The following CATSPERT variants were observed in gnomAD, a reference collection of about 807,000 sequenced individuals.
CATSPERT encodes the protein cation channel sperm-associated targeting subunit tau.
chr2:201,502,355 C>G, the CATSPERT span, among the ~76,000 whole-genome samples: 1 of 151,996 alleles, frequency 6.6e-6, no homozygotes, highest in East Asian at 1.9e-4. Flanking sequence ...GGGAGGATCA[C>G]GAGGTCAGGA....
the CATSPERT span, chr2:201,492,506 G>C: frequency 9.8e-6 from 15 of 1,535,546 alleles, no homozygotes; most frequent in African/African-American, 1.5e-4. Flanking sequence ...GAAATATCTT[G>C]TTCTAGTTCA....
At chr2:201,503,538 G>T in the CATSPERT span, among the ~76,000 whole-genome samples, 2 of 152,058 alleles carry the variant, frequency 1.3e-5, no homozygotes, top group Non-Finnish European at 2.9e-5. Context: ...GGAACTATAG[G>T]GGGGCACCAC....
the CATSPERT span, among the ~76,000 whole-genome samples, chr2:201,498,720 T>C: frequency 2.0e-5 from 3 of 152,128 alleles, no homozygotes; most frequent in Non-Finnish European, 4.4e-5. Flanking sequence ...AAGAGCTGCA[T>C]TTGGAAAAGC....
At chr2:201,548,102 C>T in the CATSPERT span, among the ~76,000 whole-genome samples, 3 of 152,020 alleles carry the variant, frequency 2.0e-5, no homozygotes, top group Non-Finnish European at 4.4e-5. Context: ...GCACAACGTG[C>T]AGGTTTGATA....
the CATSPERT span, among the ~76,000 whole-genome samples, chr2:201,601,563 T>C: frequency 6.6e-6 from 1 of 152,136 alleles, no homozygotes; most frequent in Non-Finnish European, 1.5e-5. Flanking sequence ...TGTTTCTTTT[T>C]TTAAAACACC....
chr2:201,596,991 G>C, the CATSPERT span, among the ~76,000 whole-genome samples: 1 of 152,182 alleles, frequency 6.6e-6, no homozygotes, highest in Non-Finnish European at 1.5e-5. Context: ...CCCTCCATAA[G>C]TGGTAATTTT....
chr2:201,519,897 A>G, the CATSPERT span, among the ~76,000 whole-genome samples: 1 of 151,926 alleles, frequency 6.6e-6, no homozygotes, highest in East Asian at 1.9e-4. Context: ...ATGGATAAAC[A>G]TAACAAGATG....
chr2:201,503,894 G>A, the CATSPERT span, among the ~76,000 whole-genome samples: 1 of 152,046 alleles, frequency 6.6e-6, no homozygotes, highest in African/African-American at 2.4e-5. Flanking sequence ...GCTTTAGAAG[G>A]GGCTGATTTA....
At chr2:201,563,504 G>A in the CATSPERT span, among the ~76,000 whole-genome samples, 1 of 148,696 alleles carries the variant, frequency 6.7e-6, no homozygotes, top group African/African-American at 2.5e-5. Flanking sequence ...GCGGCTGGCC[G>A]GGCAGAGGGG....
chr2:201,493,884 A>G, the CATSPERT span: 1 of 1,536,976 alleles, frequency 6.5e-7, no homozygotes, highest in Admixed American at 2.0e-5. Flanking sequence ...TTTTAGAGAC[A>G]TGTTCTTCTA....
At chr2:201,586,671 T>C in the CATSPERT span, among the ~76,000 whole-genome samples, 2 of 152,266 alleles carry the variant, frequency 1.3e-5, no homozygotes, top group South Asian at 4.1e-4. Flanking sequence ...TAGAGTTATA[T>C]ATGGTATTCT....
chr2:201,524,386 T>C, the CATSPERT span, among the ~76,000 whole-genome samples: 2 of 152,096 alleles, frequency 1.3e-5, no homozygotes, highest in Middle Eastern at 6.8e-3. Flanking sequence ...CTTCATAAGC[T>C]AAGAGGAAAT....
chr2:201,589,126 C>T, the CATSPERT span, among the ~76,000 whole-genome samples: 1 of 152,150 alleles, frequency 6.6e-6, no homozygotes, highest in Non-Finnish European at 1.5e-5. Flanking sequence ...AATGGTAGAA[C>T]ATTCCATGCT....
At chr2:201,527,014 T>C in the CATSPERT span, among the ~76,000 whole-genome samples, 1 of 152,196 alleles carries the variant, frequency 6.6e-6, no homozygotes, top group African/African-American at 2.4e-5. Context: ...CAAAACCCCA[T>C]AGTCTCTGCC....
chr2:201,576,687 G>A, the CATSPERT span, among the ~76,000 whole-genome samples: 1 of 152,186 alleles, frequency 6.6e-6, no homozygotes, highest in African/African-American at 2.4e-5. Context: ...CGGAGTGAAC[G>A]GGAGGTACTT....
the CATSPERT span, among the ~76,000 whole-genome samples, chr2:201,519,402 C>T: frequency 0.72 from 108,709 of 151,966 alleles, 39,435 homozygotes; most frequent in East Asian, 0.96. Flanking sequence ...CCCCAAAAGA[C>T]GTGACTATTA....
the CATSPERT span, among the ~76,000 whole-genome samples, chr2:201,500,909 A>C: frequency 2.0e-5 from 3 of 152,326 alleles, no homozygotes; most frequent in Non-Finnish European, 2.9e-5. Flanking sequence ...TAATAGAAGA[A>C]AATTAGAAAA....
At chr2:201,494,077 A>T in the CATSPERT span, 1 of 1,535,096 alleles carries the variant, frequency 6.5e-7, no homozygotes, top group Non-Finnish European at 8.7e-7. Context: ...ATCTGCAGGA[A>T]TATTTTTAAT....
chr2:201,617,546 C>T, the CATSPERT span, among the ~76,000 whole-genome samples: 1 of 152,178 alleles, frequency 6.6e-6, no homozygotes, highest in Non-Finnish European at 1.5e-5. Context: ...ACGCCTTATA[C>T]AAAAATTAAT....
Sources: gnomAD v4.1 joint callset for allele counts (sites outside exome capture counted in the v4.1 genomes callset) on GRCh38, gnomAD v4.1.1 for gene constraint, MANE v1.5 for transcripts, NCBI Gene and HGNC (gene_info 2026-07-23, HGNC 2026-07-21) for gene names.